The following HMCN1 variants were observed in gnomAD, a reference collection of about 807,000 sequenced individuals.
HMCN1 encodes hemicentin 1.
A neutral mutation model predicts 625.9 loss-of-function variants in HMCN1; 321 were observed. That is an observed-to-expected ratio of 0.51 (90% CI 0.47 to 0.56). The LOEUF (loss-of-function observed/expected upper bound fraction) is 0.56, where lower values mean the gene tolerates loss of function less well. HMCN1 is among the 20% of genes least tolerant of loss of function. The pLI, the probability that HMCN1 is intolerant of heterozygous loss-of-function variation, is 0.00. For missense variants in HMCN1, 6,588 were observed against 6,887.3 expected (o/e 0.96, Z 1.54); for synonymous variants, 2,425 against 2,417.6 (o/e 1.00, Z -0.09).
chr1:186,090,976 C>T, intron 64 of HMCN1, 59 bp downstream of exon 64: 1 of 1,482,644 alleles, frequency 6.7e-7, no homozygotes, highest in Non-Finnish European at 9.4e-7. Flanking sequence ...ATGCTTTATG[C>T]TTCAAATTTC....
chr1:186,109,258 T>C (rs989334980), intron 71 of HMCN1, among the ~76,000 whole-genome samples: 1 of 152,180 alleles, frequency 6.6e-6, no homozygotes, highest in African/African-American at 2.4e-5. Context: ...TTCTAGTAGT[T>C]AATTATAAAA....
chr1:185,872,281 A>G (rs1663666756), intron 4 of HMCN1, among the ~76,000 whole-genome samples: 1 of 152,062 alleles, frequency 6.6e-6, no homozygotes, highest in South Asian at 2.1e-4. Context: ...TAAGATTGAC[A>G]TGTTGTCTGT....
chr1:185,989,668 G>A (rs1652273794), intron 21 of HMCN1, 21 bp downstream of exon 21: 2 of 1,611,968 alleles, frequency 1.2e-6, no homozygotes, highest in Admixed American at 1.7e-5. Context: ...GTGGAGGAAT[G>A]GTTTTTATTG....
At position 186,094,340 on chromosome 1, in the gene HMCN1, G is replaced by A; in HGVS notation, c.10261G>A (p.Val3421Met). ...YTCVASNRAG[V>M]DNKHYNLQVF... is the part of the protein sequence containing the mutation. ...TTGTGTGGCCTCCAACAGAGCTGGGGTGGATAATAAGCATTACAATCTTCA... is the reference window on the plus strand; with the variant it reads ...TTGTGTGGCCTCCAACAGAGCTGGGATGGATAATAAGCATTACAATCTTCA... Residue 3421 changes from valine to methionine, a missense_variant, in exon 67 of 107, where the codon GTG (valine) becomes ATG (methionine). This residue lies in a region of HMCN1 where 4,628 missense variants were observed against 4,853.1 expected (regional missense o/e 0.95). Transcript: ENST00000271588. 6.2e-7 allele frequency: 1 copy of A among 1,613,116 alleles called. No homozygotes were observed. The highest frequency in any genetic ancestry group is 8.5e-7 in the Non-Finnish European group (1 of 1,179,434).
At position 186,076,753 on chromosome 1, in the gene HMCN1, A is replaced by C. The variant is rs1185611674; in HGVS notation, c.8485+131A>C. 1.3e-5 allele frequency: 11 copies of C among 817,878 alleles called. No homozygotes were observed. In the East Asian group the frequency reaches 2.6e-4, roughly 19 times the overall value. The allele number at this position is 817,878 out of a possible 1,614,324, so 50.7% of individuals were successfully genotyped here. The stretch of plus-strand genomic sequence containing the variant: ...ACTGGCAGTTAGACTGCTGAATGCC[A>C]CTGGCATCCACGTAGCTTCAATCTA... On this transcript the variant is annotated intron_variant, in intron 54 of 106. Coordinates refer to ENST00000271588, the MANE Select transcript of HMCN1 (RefSeq NM_031935.3).
At chr1:186,035,443 T>C (rs953520087) in intron 36 of HMCN1, among the ~76,000 whole-genome samples, 1 of 152,158 alleles carries the variant, frequency 6.6e-6, no homozygotes, top group Non-Finnish European at 1.5e-5. Flanking sequence ...TTTATTTTTA[T>C]TATTTATTTC....
chr1:185,800,346 G>C (rs985006311), intron 1 of HMCN1, among the ~76,000 whole-genome samples: 2 of 151,972 alleles, frequency 1.3e-5, no homozygotes. Context: ...CTTACATTTT[G>C]GTTCCTCTCT....
intron 71 of HMCN1, among the ~76,000 whole-genome samples, chr1:186,109,299 TAAAGAC>T (rs945500636): frequency 3.3e-5 from 5 of 152,184 alleles, no homozygotes; most frequent in Non-Finnish European, 5.9e-5. Context: ...ACCTAAGACA[TAAAGAC>T]TACCACCACC....
At chr1:185,810,177 A>G (rs927235591) in intron 1 of HMCN1, among the ~76,000 whole-genome samples, 5 of 152,136 alleles carry the variant, frequency 3.3e-5, no homozygotes, top group Non-Finnish European at 5.9e-5. Context: ...CATATTCTGC[A>G]ATTAAATAAT....
In HMCN1 at chr1:185,977,882, A is replaced by G. The variant is rs374094740; in HGVS notation, c.2467A>G (p.Thr823Ala). Reference protein sequence around the residue: ...PCYVQGYPEPTIKWRRLDNMP... With the variant: ...PCYVQGYPEPAIKWRRLDNMP... ...TTATGTTCAGGGTTATCCAGAACCA[A>G]CAATCAAATGGCGAAGATTAGACAA... is the stretch of plus-strand genomic sequence containing the variant. The change falls in exon 16 of 107, where the codon ACA becomes GCA. Residue 823 changes from threonine to alanine, a missense_variant. Thr to Ala is a moderately conservative substitution (Grantham distance 58). Transcript: ENST00000271588. 84 of 1,613,362 alleles carry G rather than the reference A, an allele frequency of 5.2e-5. No homozygotes were observed. The highest frequency in any genetic ancestry group is 5.1e-4 in the African/African-American group (38 of 75,014).
chr1:185,986,082 A>G (rs1181687292), intron 19 of HMCN1, among the ~76,000 whole-genome samples: 1 of 152,212 alleles, frequency 6.6e-6, no homozygotes, highest in Non-Finnish European at 1.5e-5. Context: ...TGAAAGATGA[A>G]TATTCCATGA....
intron 100 of HMCN1, among the ~76,000 whole-genome samples, chr1:186,168,839 G>A (rs1006881922): frequency 6.6e-6 from 1 of 151,928 alleles, no homozygotes; most frequent in East Asian, 1.9e-4. Flanking sequence ...AGCAATACAC[G>A]TGCCACGGTG....
intron 36 of HMCN1, among the ~76,000 whole-genome samples, chr1:186,025,762 C>A (rs1461086047): frequency 6.6e-6 from 1 of 152,132 alleles, no homozygotes; most frequent in African/African-American, 2.4e-5. Flanking sequence ...GACTGGTAAA[C>A]ATATGGGTTA....
intron 1 of HMCN1, among the ~76,000 whole-genome samples, chr1:185,805,023 T>C (rs977956336): frequency 1.3e-5 from 2 of 152,198 alleles, no homozygotes; most frequent in East Asian, 1.9e-4. Flanking sequence ...ATTGTACACC[T>C]GACAGATTCT....
At chr1:186,066,588 T>C (rs556229017) in intron 49 of HMCN1, among the ~76,000 whole-genome samples, 1 of 152,322 alleles carries the variant, frequency 6.6e-6, no homozygotes, top group East Asian at 1.9e-4. Flanking sequence ...CAGATATATA[T>C]ACTTGCTGTC....
intron 4 of HMCN1, among the ~76,000 whole-genome samples, chr1:185,907,487 C>A (rs980243020): frequency 2.0e-5 from 3 of 151,938 alleles, no homozygotes; most frequent in Non-Finnish European, 4.4e-5. Context: ...GCCTCATCTT[C>A]TTCTTTTTTA....
At chr1:185,962,768 C>T in intron 12 of HMCN1, 109 bp downstream of exon 12, 1 of 745,210 alleles carries the variant, frequency 1.3e-6, no homozygotes, top group South Asian at 1.5e-5. Context: ...GGTTTGACCA[C>T]AATACTTAGC....
chr1:185,764,354 G>A (rs938713670), intron 1 of HMCN1, among the ~76,000 whole-genome samples: 1 of 152,042 alleles, frequency 6.6e-6, no homozygotes, highest in Non-Finnish European at 1.5e-5. Context: ...AAGAAGTTAG[G>A]GTTATAGTGG....
At chr1:186,088,377 G>A in intron 62 of HMCN1, 101 bp downstream of exon 62, 2 of 1,569,896 alleles carry the variant, frequency 1.3e-6, no homozygotes, top group Non-Finnish European at 1.7e-6. Context: ...ATGCTCATAG[G>A]GGTGTTTAGT....
Sources: allele counts gnomAD v4.1 joint callset (sites outside exome capture counted in the v4.1 genomes callset), GRCh38; gene constraint gnomAD v4.1.1; regional missense constraint gnomAD v4.1.1; transcripts MANE v1.5; gene names NCBI Gene and HGNC (gene_info 2026-07-23, HGNC 2026-07-21).